NREP: variants seen among roughly 807,000 people sequenced by gnomAD.
NREP encodes neuronal regeneration-related protein.
A neutral mutation model predicts 8.6 loss-of-function variants in NREP; 5 were observed. The observed-to-expected ratio is 0.58, with a 90% CI of 0.30 to 1.22. The LOEUF is 1.22. NREP is among the 50% of genes most tolerant of loss of function. NREP has a pLI of 0.07. For synonymous variants in NREP, 27 were observed against 28.0 expected, an observed-to-expected ratio of 0.96 and a Z score of 0.11; for missense variants, 86 against 82.5, an observed-to-expected ratio of 1.04 and a Z score of -0.17.
At chr5:111,838,981 G>A in intron 2 of NREP, among the ~76,000 whole-genome samples, 1 of 151,932 alleles carries the variant, frequency 6.6e-6, no homozygotes, top group East Asian at 1.9e-4. Flanking sequence ...ATGTTTCAAT[G>A]GGGGAAAATG....
intron 2 of NREP, among the ~76,000 whole-genome samples, chr5:111,806,041 A>G (rs1026521812): frequency 1.3e-5 from 2 of 152,222 alleles, no homozygotes; most frequent in Non-Finnish European, 2.9e-5. Context: ...TTGTCAATTA[A>G]GAAACATAAT....
intron 2 of NREP, among the ~76,000 whole-genome samples, chr5:111,861,516 A>G (rs1753543218): frequency 6.6e-6 from 1 of 152,076 alleles, no homozygotes; most frequent in South Asian, 2.1e-4. Context: ...CCTTCCACAG[A>G]TCTCCCTTGT....
At chr5:111,746,309 G>A (rs933690970) in intron 2 of NREP, among the ~76,000 whole-genome samples, 1 of 151,822 alleles carries the variant, frequency 6.6e-6, no homozygotes, top group East Asian at 1.9e-4. Flanking sequence ...TTGTCTCCCA[G>A]ACCTTGATAA....
intron 2 of NREP, among the ~76,000 whole-genome samples, chr5:111,856,030 C>G (rs921274846): frequency 2.6e-5 from 4 of 152,164 alleles, no homozygotes; most frequent in African/African-American, 9.7e-5. Context: ...TGGGCACCAG[C>G]TGGAGAGGCC....
chr5:111,919,595 C>A (rs929227762), intron 2 of NREP, among the ~76,000 whole-genome samples: 10 of 151,994 alleles, frequency 6.6e-5, no homozygotes, highest in African/African-American at 2.4e-4. Flanking sequence ...AGCTGGAAAC[C>A]ATAATTCTCA....
At chr5:111,898,261 A>G (rs560488603) in intron 2 of NREP, among the ~76,000 whole-genome samples, 2 of 152,284 alleles carry the variant, frequency 1.3e-5, no homozygotes, top group East Asian at 1.9e-4. Context: ...AGTAATAAAG[A>G]CAAGAGATAA....
At chr5:111,921,164 CTT>C (rs1263997015) in intron 2 of NREP, among the ~76,000 whole-genome samples, 1 of 152,274 alleles carries the variant, frequency 6.6e-6, no homozygotes, top group Non-Finnish European at 1.5e-5. Flanking sequence ...CTCTCTCTCT[CTT>C]CTCACATTCC....
chr5:111,776,617 T>C (rs1328790291), intron 2 of NREP, among the ~76,000 whole-genome samples: 1 of 152,144 alleles, frequency 6.6e-6, no homozygotes, highest in African/African-American at 2.4e-5. Flanking sequence ...TACAATGGAA[T>C]AATAGACAAC....
chr5:111,763,321 C>T (rs1581099182), intron 2 of NREP, among the ~76,000 whole-genome samples: 1 of 152,220 alleles, frequency 6.6e-6, no homozygotes, highest in Admixed American at 6.5e-5. Context: ...AATATGAATG[C>T]AAAAGCAAAC....
At chr5:111,757,651 C>T (rs1350843506), upstream of NREP, 2 of 983,024 alleles carry the variant, frequency 2.0e-6, no homozygotes, top group Non-Finnish European at 1.2e-6. Flanking sequence ...CCGGGCGCCC[C>T]GCTCGCCGCG....
chr5:111,848,608 G>C (rs1753235176), intron 2 of NREP, among the ~76,000 whole-genome samples: 1 of 152,102 alleles, frequency 6.6e-6, no homozygotes, highest in Admixed American at 6.6e-5. Context: ...CTGCTAAATA[G>C]TGAGTTGTGG....
intron 2 of NREP, among the ~76,000 whole-genome samples, chr5:111,972,790 G>C (rs1441981883): frequency 1.3e-5 from 2 of 152,186 alleles, no homozygotes; most frequent in African/African-American, 2.4e-5. Flanking sequence ...ACTGCCTAAG[G>C]CATGTGCTTG....
At chr5:111,899,685 G>A (rs1277674983) in intron 2 of NREP, among the ~76,000 whole-genome samples, 6 of 152,072 alleles carry the variant, frequency 3.9e-5, no homozygotes, top group Non-Finnish European at 8.8e-5. Flanking sequence ...ACCATATGCT[G>A]CCTACAAGAA....
chr5:111,849,672 G>T (rs1223535990), intron 2 of NREP, among the ~76,000 whole-genome samples: 1 of 152,198 alleles, frequency 6.6e-6, no homozygotes, highest in Non-Finnish European at 1.5e-5. Context: ...AAGACTGTTA[G>T]TGGTCCTTCC....
At chr5:111,826,393 C>T (rs1386938148) in intron 2 of NREP, among the ~76,000 whole-genome samples, 1 of 152,126 alleles carries the variant, frequency 6.6e-6, no homozygotes, top group African/African-American at 2.4e-5. Flanking sequence ...TTGCTTTTGG[C>T]AATAAATCTG....
At chr5:111,928,335 GTTTT>G (rs143716680) in intron 2 of NREP, among the ~76,000 whole-genome samples, 16 of 151,852 alleles carry the variant, frequency 1.1e-4, no homozygotes, top group Non-Finnish European at 2.1e-4. Flanking sequence ...TTCTGATTTA[GTTTT>G]TTTAATTTTT....
At chr5:111,911,763 A>G (rs918959179) in intron 2 of NREP, among the ~76,000 whole-genome samples, 2 of 152,114 alleles carry the variant, frequency 1.3e-5, no homozygotes, top group East Asian at 1.9e-4. Flanking sequence ...CAATTATATG[A>G]CAAGTTGCAA....
At chr5:111,913,961 G>A (rs1754983245) in intron 2 of NREP, among the ~76,000 whole-genome samples, 1 of 152,118 alleles carries the variant, frequency 6.6e-6, no homozygotes, top group African/African-American at 2.4e-5. Context: ...GGAATAAAGT[G>A]GAAGCAACCA....
chr5:111,932,352 G>C lies in NREP; in HGVS notation c.135+42922C>G, dbSNP rs111274939. ...CTGAATGGAATGTATTAACATGAAT[G>C]ATCAAAATAATCCAAAACACTATAC... is the stretch of plus-strand genomic sequence containing the variant. On this transcript the variant is annotated intron_variant, in intron 2 of 3. Transcript: ENST00000395634. 5.0e-3 allele frequency among the ~76,000 whole-genome samples: 767 copies of C among 152,080 alleles called. 7 individuals carry two copies. Among genetic ancestry groups the C allele is most frequent in the African/African-American group, 0.017 (710 of 41,508 alleles).
Sources: gnomAD v4.1 joint callset for allele counts (sites outside exome capture counted in the v4.1 genomes callset) on GRCh38, gnomAD v4.1.1 for gene constraint, MANE v1.5 for transcripts, NCBI Gene and HGNC (gene_info 2026-07-23, HGNC 2026-07-21) for gene names.